The following FAM124A variants were observed in gnomAD, a reference collection of about 807,000 sequenced individuals.
The protein encoded by FAM124A is family with sequence similarity 124 member A.
A neutral mutation model predicts 24.5 loss-of-function variants in FAM124A; 23 were observed. That is an observed-to-expected ratio of 0.94 (90% CI 0.68 to 1.33). The LOEUF is 1.33. Ranked by LOEUF, FAM124A falls within the 40% of genes most tolerant of loss-of-function variation. The pLI is 0.00. For synonymous variants in FAM124A, 287 were observed against 314.7 expected, an observed-to-expected ratio of 0.91 and a Z score of 0.93; for missense variants, 623 against 722.8, an observed-to-expected ratio of 0.86 and a Z score of 1.58.
At chr13:51,267,764 G>A (rs766044450) in intron 3 of FAM124A, among the ~76,000 whole-genome samples, 66 of 152,100 alleles carry the variant, frequency 4.3e-4, no homozygotes, top group Admixed American at 2.6e-4. Context: ...ATTCAGCACC[G>A]GTCAGCTCCA....
chr13:51,237,534 A>G (rs1465028245), intron 2 of FAM124A, among the ~76,000 whole-genome samples: 1 of 152,066 alleles, frequency 6.6e-6, no homozygotes, highest in Non-Finnish European at 1.5e-5. Context: ...AGCTGGAATG[A>G]GTCTGCAGCC....
Position 51,251,866 on chromosome 13 carries a change from T to C in FAM124A, c.499T>C (p.Tyr167His). 6.8e-6 allele frequency: 11 copies of C among 1,613,676 alleles called. No homozygotes were observed. Among genetic ancestry groups the C allele is most frequent in the Non-Finnish European group, 9.3e-6 (11 of 1,179,866 alleles). ...TPLWAIRPVHYGKEIVRFTVY... is the reference protein window; with the variant it reads ...TPLWAIRPVHHGKEIVRFTVY... ...GCTTTGGGCCATCCGGCCCGTGCACTACGGCAAGGAAATCGTGCGCTTCAC... is the reference window on the plus strand; with the variant it reads ...GCTTTGGGCCATCCGGCCCGTGCACCACGGCAAGGAAATCGTGCGCTTCAC... The change falls in exon 3 of 4, where the codon TAC becomes CAC. Residue 167 changes from tyrosine (Y) to histidine (H), a missense_variant. Transcript: ENST00000322475. This position sits in a 1 kb window ranked among gnomAD's most constrained non-coding sequence, Gnocchi z 5.3.
Position 51,251,628 on chromosome 13 carries a change from CCGG to C in FAM124A, c.271_273del (p.Arg91del), listed in dbSNP as rs1225231303. 1.3e-6 allele frequency: 2 copies of C among 1,560,570 alleles called. No individual in the cohort carries two copies. The highest frequency in any genetic ancestry group is 1.7e-6 in the Non-Finnish European group (2 of 1,150,992). ...TCCGGGTGTCCGAGAGGCGGGCGTC[CCGG>C]CGGCGGCGGAAGCCCCCCAAGGGCG... On this transcript the variant is annotated inframe_deletion, in exon 3 of 4. Coordinates refer to ENST00000322475, the MANE Select transcript of FAM124A (RefSeq NM_001242312.2). This position sits in a 1 kb window ranked among gnomAD's most constrained non-coding sequence, Gnocchi z 5.3.
At chr13:51,265,081 G>T (rs1331589502) in intron 3 of FAM124A, among the ~76,000 whole-genome samples, 1 of 152,110 alleles carries the variant, frequency 6.6e-6, no homozygotes, top group Non-Finnish European at 1.5e-5. Context: ...TCACAGGATG[G>T]CTGTACCAGT....
At chr13:51,257,610 C>T (rs1461951757) in intron 3 of FAM124A, among the ~76,000 whole-genome samples, 5 of 150,846 alleles carry the variant, frequency 3.3e-5, no homozygotes, top group Non-Finnish European at 7.5e-5. Context: ...CCAAGGCCTA[C>T]GGCTCTCTGG....
chr13:51,268,608 G>A (rs2137700857), intron 3 of FAM124A, among the ~76,000 whole-genome samples: 1 of 152,292 alleles, frequency 6.6e-6, no homozygotes, highest in Middle Eastern at 3.4e-3. Context: ...GGTGCAACTG[G>A]GACCTCAGGA....
intron 2 of FAM124A, among the ~76,000 whole-genome samples, chr13:51,231,967 GATATAC>G (rs1183698780): frequency 4.6e-5 from 7 of 152,154 alleles, no homozygotes; most frequent in Non-Finnish European, 7.4e-5. Flanking sequence ...TATGCACATT[GATATAC>G]ATATATATCA....
intron 2 of FAM124A, among the ~76,000 whole-genome samples, chr13:51,244,941 G>C (rs995087432): frequency 6.6e-6 from 1 of 152,234 alleles, no homozygotes; most frequent in South Asian, 2.1e-4. Flanking sequence ...AAACCAACGC[G>C]ATGATTCCAA....
chr13:51,245,265 G>T, intron 2 of FAM124A: 1 of 616,470 alleles, frequency 1.6e-6, no homozygotes. Flanking sequence ...CATTTGCACA[G>T]CATGTGAAAA....
At chr13:51,274,544 C>T (rs1475349911) in intron 3 of FAM124A, among the ~76,000 whole-genome samples, 1 of 152,140 alleles carries the variant, frequency 6.6e-6, no homozygotes, top group Non-Finnish European at 1.5e-5. Context: ...TGCTCTTTAT[C>T]ATTAGATGTT....
At chr13:51,246,404 T>G (rs6561626) in intron 2 of FAM124A, among the ~76,000 whole-genome samples, 22,428 of 48,378 alleles carry the variant, frequency 0.46, 4,753 homozygotes, top group Non-Finnish European at 0.56. Context: ...TCTCGTGGGG[T>G]GGGGGGGGGT....
At chr13:51,236,247 C>T (rs1234950415) in intron 2 of FAM124A, among the ~76,000 whole-genome samples, 6 of 152,140 alleles carry the variant, frequency 3.9e-5, no homozygotes, top group East Asian at 1.9e-4. Context: ...AATTACAAGC[C>T]GTTATAGCTG....
rs1265067339 is a variant in FAM124A at position 51,251,857 on chromosome 13, C to T, written c.490C>T (p.Pro164Ser). ...TGGGACGCCGCTTTGGGCCATCCGGCCCGTGCACTACGGCAAGGAAATCGT... is the reference window on the plus strand; with the variant it reads ...TGGGACGCCGCTTTGGGCCATCCGGTCCGTGCACTACGGCAAGGAAATCGT... ...APGTPLWAIR[P>S]VHYGKEIVRF... Residue 164 changes from proline to serine, a missense_variant, in exon 3 of 4, where the codon CCC (proline) becomes TCC (serine). Transcript: ENST00000322475. The surrounding 1 kb of genome is among the most constrained non-coding windows in gnomAD (Gnocchi z 5.3). The T allele has an allele frequency of 1.9e-6, 3 of 1,612,826 alleles. No homozygotes were observed. The African/African-American group carries it at 4.0e-5, about 22-fold the overall frequency.
At chr13:51,228,329 A>G (rs1322334542) in intron 1 of FAM124A, among the ~76,000 whole-genome samples, 1 of 152,208 alleles carries the variant, frequency 6.6e-6, no homozygotes, top group African/African-American at 2.4e-5. Context: ...TAATATTGTA[A>G]TTAATATAGA....
chr13:51,261,506 C>T lies in FAM124A; in HGVS notation c.834+9305C>T, dbSNP rs74846917. ...CGGCAGGTATAAGTGACATCATTGC[C>T]TTTTCAGCCCTGAGAGGAAGAGTAA... On this transcript the variant is annotated intron_variant, in intron 3 of 3. Transcript: ENST00000322475. Among the ~76,000 whole-genome samples the T allele has an allele frequency of 1.3e-3, 199 of 152,260 alleles. 4 individuals carry two copies. The East Asian group carries it at 0.032, about 25-fold the overall frequency.
chr13:51,225,593 G>A (rs2137639927), intron 1 of FAM124A, among the ~76,000 whole-genome samples: 1 of 152,290 alleles, frequency 6.6e-6, no homozygotes, highest in South Asian at 2.1e-4. Context: ...AGCCAAGGGA[G>A]GTTTGAGTTT....
chr13:51,272,225 G>C lies in FAM124A; in HGVS notation c.835-8225G>C, dbSNP rs968965405. Among the ~76,000 whole-genome samples, 4 of 152,108 alleles carry C rather than the reference G, an allele frequency of 2.6e-5. No homozygotes were observed. The highest frequency in any genetic ancestry group is 5.9e-5 in the Non-Finnish European group (4 of 68,024). On this transcript the variant is annotated intron_variant, in intron 3 of 3. Transcript: ENST00000322475. The surrounding 1 kb of genome is among the most constrained non-coding windows in gnomAD (Gnocchi z 4.2). ...CTATCTTCTTACAAGGAAGTTGGGG[G>C]CACAGGAGGTCAGTAGGTTGGCTTT...
At chr13:51,242,206 C>G (rs1030674220) in intron 2 of FAM124A, among the ~76,000 whole-genome samples, 1 of 152,174 alleles carries the variant, frequency 6.6e-6, no homozygotes. Context: ...TTGTTGAGAT[C>G]CTGACTTTCT....
chr13:51,264,188 C>T (rs1954763157), intron 3 of FAM124A, among the ~76,000 whole-genome samples: 1 of 152,174 alleles, frequency 6.6e-6, no homozygotes, highest in South Asian at 2.1e-4. Flanking sequence ...GCTATTTGTC[C>T]AACTTTGGAA....
Sources: allele counts gnomAD v4.1 joint callset (sites outside exome capture counted in the v4.1 genomes callset), GRCh38; gene constraint gnomAD v4.1.1; non-coding constraint Gnocchi (gnomAD v3.1); transcripts MANE v1.5; gene names NCBI Gene and HGNC (gene_info 2026-07-23, HGNC 2026-07-21).